The following MFAP5 variants were observed in gnomAD, a reference collection of about 807,000 sequenced individuals.
MFAP5 encodes the protein microfibril associated protein 5, also known as microfibrillar-associated protein 5.
A neutral mutation model predicts 30.1 loss-of-function variants in MFAP5; 19 were observed. The ratio of observed to expected loss-of-function variants is 0.63; its 90% CI spans 0.44 to 0.93. MFAP5 has a LOEUF of 0.93. Among genes scored for constraint, MFAP5 ranks in the 40% least tolerant of loss-of-function variants. The pLI, the probability that MFAP5 is intolerant of heterozygous loss-of-function variation, is 0.00. For synonymous variants in MFAP5, 92 were observed against 72.9 expected (o/e 1.26, Z -1.33); for missense variants, 210 against 221.3 (o/e 0.95, Z 0.32).
intron 4 of MFAP5, 147 bp downstream of exon 4, chr12:8,655,639 T>C (rs568335672): frequency 1.4e-4 from 142 of 1,002,860 alleles, no homozygotes; most frequent in Admixed American, 2.7e-4. Flanking sequence ...ACAGAGATGC[T>C]GGCATCTAAG....
intron 1 of MFAP5, chr12:8,662,413 G>T: frequency 3.5e-6 from 1 of 288,316 alleles, no homozygotes; most frequent in Non-Finnish European, 6.5e-6. Flanking sequence ...TTTCACCCCT[G>T]ATGTGGAATC....
rs912401144 is a variant in MFAP5, at chr12:8,647,556, T to C, written c.*535A>G. ...TACAGGACTACAAAACTTACCATGA[T>C]GTGTCTTATAAGGAAGACTTGCCAG... is the stretch of plus-strand genomic sequence containing the variant. On this transcript the variant is annotated 3_prime_UTR_variant, in exon 10 of 10. Coordinates refer to ENST00000359478, the MANE Select transcript of MFAP5 (RefSeq NM_003480.4). 1 of 152,260 alleles carries C rather than the reference T, an allele frequency of 6.6e-6. No homozygotes were observed. The highest frequency in any genetic ancestry group is 1.5e-5 in the Non-Finnish European group (1 of 68,088). 9.4% of individuals were successfully genotyped at this position (152,260 alleles called of 1,614,324 possible). A position where few individuals can be genotyped will look rare whatever the true frequency, so the allele number is the denominator to read the frequency against.
intron 9 of MFAP5, among the ~76,000 whole-genome samples, chr12:8,649,152 A>G (rs1361660948): frequency 6.6e-6 from 1 of 152,336 alleles, no homozygotes; most frequent in East Asian, 1.9e-4. Context: ...GCGGACTAGC[A>G]GAGTCTATTA....
intron 6 of MFAP5, 145 bp from the exon 7 acceptor site, chr12:8,651,836 A>G: frequency 1.4e-6 from 1 of 731,158 alleles, no homozygotes; most frequent in Non-Finnish European, 2.4e-6. Context: ...CTTCTAAAAG[A>G]AAACCCTTAT....
chr12:8,657,854 A>G (rs941920525), intron 3 of MFAP5, among the ~76,000 whole-genome samples: 3 of 152,022 alleles, frequency 2.0e-5, no homozygotes, highest in Non-Finnish European at 4.4e-5. Context: ...TTACAGGCAT[A>G]AGCCACCATG....
chr12:8,654,454 G>A lies in MFAP5; in HGVS notation c.200C>T (p.Pro67Leu). The A allele has an allele frequency of 6.9e-6, 11 of 1,603,944 alleles. No homozygotes were observed. Among genetic ancestry groups the A allele is most frequent in the Non-Finnish European group, 8.5e-6 (10 of 1,175,358 alleles). Residue 67 changes from proline to leucine, a missense_variant, in exon 6 of 10, where the codon CCT becomes CTT. Pro to Leu is a moderately conservative substitution (Grantham distance 98). Transcript: ENST00000359478. Reference sequence around the variant, plus strand: ...GAACTCACCCAAGTCATCTGTGGAAGGTGCAATATCAGCCAAAACAGCCAA... The same window carrying A: ...GAACTCACCCAAGTCATCTGTGGAAAGTGCAATATCAGCCAAAACAGCCAA... ...TVLAVLADIA[P>L]STDDLASLSE...
chr12:8,662,322 TG>T (rs1259383160), intron 1 of MFAP5: 10 of 550,292 alleles, frequency 1.8e-5, no homozygotes, highest in South Asian at 1.6e-4. Context: ...CCATTATTCT[TG>T]CTTTTATTAT....
In MFAP5 at chr12:8,656,668, A is replaced by ATTTTT. The variant is rs1555139703; in HGVS notation, c.95-843_95-839dup. ...CACACACATATATATATATATATAT[A>ATTTTT]TTTTTTTTTTTTGAGACAGAGTCTG... On this transcript the variant is annotated intron_variant, in intron 3 of 9. Transcript: ENST00000359478. 5.3e-4 allele frequency among the ~76,000 whole-genome samples: 63 copies of ATTTTT among 118,706 alleles called. 2 individuals are homozygous for ATTTTT. The highest frequency in any genetic ancestry group is 1.6e-3 in the African/African-American group (45 of 28,298). 77.9% of individuals were successfully genotyped at this position (118,706 alleles called of 152,430 possible).
intron 6 of MFAP5, among the ~76,000 whole-genome samples, chr12:8,654,104 C>T (rs946241359): frequency 2.9e-5 from 4 of 136,518 alleles, no homozygotes; most frequent in Non-Finnish European, 4.5e-5. Flanking sequence ...GCAGCCTGGA[C>T]GACAAGAGCA....
At chr12:8,648,267 G>A in intron 9 of MFAP5, 64 bp from the exon 10 acceptor site, 1 of 1,381,470 alleles carries the variant, frequency 7.2e-7, no homozygotes, top group Non-Finnish European at 1.0e-6. Flanking sequence ...CTTGTTTTAA[G>A]GGATAGAGAA....
intron 2 of MFAP5, among the ~76,000 whole-genome samples, chr12:8,661,122 T>C (rs1445876914): frequency 6.6e-6 from 1 of 152,144 alleles, no homozygotes; most frequent in Non-Finnish European, 1.5e-5. Context: ...GCTGTGCATT[T>C]GTTTGGTAAA....
In MFAP5 at chr12:8,658,747, C is replaced by A. The variant is rs186141763; in HGVS notation, c.94+2116G>T. Among the ~76,000 whole-genome samples the A allele has an allele frequency of 2.0e-5, 3 of 151,832 alleles. No homozygotes were observed. In the Admixed American group the frequency reaches 2.0e-4, roughly 10 times the overall value. The stretch of plus-strand genomic sequence containing the variant: ...TTTTCTGCATATACCTCAGTTTAAC[C>A]AACTGTTCCAAGAGCTATCACCATA... On this transcript the variant is annotated intron_variant, in intron 3 of 9. Coordinates refer to ENST00000359478, the MANE Select transcript of MFAP5 (RefSeq NM_003480.4).
Position 8,654,451 on chromosome 12 carries a change from G to A in MFAP5, c.203C>T (p.Ser68Phe). 6.2e-7 allele frequency: 1 copy of A among 1,603,542 alleles called. No individual in the cohort carries two copies. The highest frequency in any genetic ancestry group is 1.1e-5 in the South Asian group (1 of 88,578). ...TCTGAACTCACCCAAGTCATCTGTG[G>A]AAGGTGCAATATCAGCCAAAACAGC... ...VLAVLADIAP[S>F]TDDLASLSEK... The change falls in exon 6 of 10, where the codon TCC becomes TTC. Residue 68 changes from serine (S) to phenylalanine (F), a missense_variant. Physicochemically the swap from Ser to Phe is radical, Grantham distance 155 (BLOSUM62 -2). Transcript: ENST00000359478.
intron 4 of MFAP5, 29 bp downstream of exon 4, chr12:8,655,757 A>C: frequency 6.3e-7 from 1 of 1,596,192 alleles, no homozygotes; most frequent in Admixed American, 1.7e-5. Context: ...AAAACAGCAA[A>C]CAAACAAACA....
chr12:8,650,665 A>G, intron 7 of MFAP5, 76 bp from the exon 8 acceptor site: 1 of 1,262,300 alleles, frequency 7.9e-7, no homozygotes, highest in Non-Finnish European at 1.2e-6. Flanking sequence ...GGAATTGGGA[A>G]GGATAGATAG....
chr12:8,654,681 C>T (rs1454703198), intron 5 of MFAP5, among the ~76,000 whole-genome samples, 200 bp from the exon 6 acceptor site: 2 of 152,106 alleles, frequency 1.3e-5, no homozygotes, highest in African/African-American at 2.4e-5. Flanking sequence ...CGCAGTGGCT[C>T]GCACCTGTAA....
chr12:8,647,907 C>G lies in MFAP5; in HGVS notation c.*184G>C, dbSNP rs188010901. 3 of 472,692 alleles carry G rather than the reference C, an allele frequency of 6.3e-6. No homozygotes were observed. Among genetic ancestry groups the G allele is most frequent in the Admixed American group, 7.2e-5 (2 of 27,756 alleles). The allele number at this position is 472,692 out of a possible 1,614,324, so 29.3% of individuals were successfully genotyped here. A position where few individuals can be genotyped will look rare whatever the true frequency, so the allele number is the denominator to read the frequency against. On this transcript the variant is annotated 3_prime_UTR_variant, in exon 10 of 10. Transcript: ENST00000359478. ...TAATATAGACTTTGTATTTTAAGTG[C>G]TAGAAAATGAGATAAATGTTATCAG...
intron 6 of MFAP5, 115 bp from the exon 7 acceptor site, chr12:8,651,806 GA>G: frequency 1.1e-6 from 1 of 906,048 alleles, no homozygotes; most frequent in Non-Finnish European, 1.8e-6. Flanking sequence ...GGGAGCAAAT[GA>G]ATTAATAACT....
Position 8,655,464 on chromosome 12 carries a change from C to G in MFAP5, c.140-17G>C, listed in dbSNP as rs745489758. The G allele has an allele frequency of 1.1e-5, 18 of 1,600,646 alleles. No individual in the cohort carries two copies. In the Admixed American group the frequency reaches 3.0e-4, roughly 26 times the overall value. ...TCACCAGATCTGCAAAGACACATAA[C>G]AAGGAATGAAAAAATGCAGTCAGGA... On this transcript the variant is annotated splice_polypyrimidine_tract_variant and intron_variant, in intron 4 of 9. Transcript: ENST00000359478.
Sources: gnomAD v4.1 joint callset for allele counts (sites outside exome capture counted in the v4.1 genomes callset) on GRCh38, gnomAD v4.1.1 for gene constraint, MANE v1.5 for transcripts, NCBI Gene and HGNC (gene_info 2026-07-23, HGNC 2026-07-21) for gene names.